MTUS2: variants seen among roughly 807,000 people sequenced by gnomAD.
MTUS2 encodes the protein microtubule-associated tumor suppressor candidate 2.
In MTUS2, 40 loss-of-function variants were observed where a neutral mutation model predicts 114.1. The observed-to-expected ratio is 0.35, with a 90% CI of 0.27 to 0.46. MTUS2 has a LOEUF of 0.46. Ranked by LOEUF, MTUS2 falls within the 20% of genes least tolerant of loss-of-function variation. The pLI, the probability that MTUS2 is intolerant of heterozygous loss-of-function variation, is 1.00. For missense variants in MTUS2, 1,679 were observed against 1,705.4 expected, an observed-to-expected ratio of 0.98 and a Z score of 0.27; for synonymous variants, 688 against 672.0, an observed-to-expected ratio of 1.02 and a Z score of -0.37.
chr13:29,154,703 A>G (rs917725463), intron 5 of MTUS2, among the ~76,000 whole-genome samples: 3 of 152,204 alleles, frequency 2.0e-5, no homozygotes, highest in Admixed American at 6.5e-5. Context: ...TTGCTTACAT[A>G]ATTGTTTGAC....
intron 5 of MTUS2, among the ~76,000 whole-genome samples, chr13:29,244,493 CTGAA>C (rs1566087714): frequency 6.6e-6 from 1 of 151,994 alleles, no homozygotes; most frequent in African/African-American, 2.4e-5. Context: ...GGCATGGAGA[CTGAA>C]TGGGCCACTG....
At chr13:29,463,819 C>T (rs1434152932) in intron 9 of MTUS2, among the ~76,000 whole-genome samples, 3 of 152,072 alleles carry the variant, frequency 2.0e-5, no homozygotes, top group African/African-American at 4.8e-5. Flanking sequence ...GCCAACATGG[C>T]GAAACCCCAT....
intron 5 of MTUS2, among the ~76,000 whole-genome samples, chr13:29,235,644 A>G (rs1896508002): frequency 6.6e-6 from 1 of 152,130 alleles, no homozygotes; most frequent in Admixed American, 6.5e-5. Context: ...CTTTTTTTTC[A>G]ATCAAGAATA....
intron 2 of MTUS2, among the ~76,000 whole-genome samples, chr13:28,867,819 C>A (rs552927564): frequency 6.6e-6 from 1 of 152,242 alleles, no homozygotes; most frequent in South Asian, 2.1e-4. Context: ...AGCTCCTGTT[C>A]TTTTTTCTGA....
At chr13:29,495,378 A>C (rs1882483168) in intron 12 of MTUS2, among the ~76,000 whole-genome samples, 1 of 149,596 alleles carries the variant, frequency 6.7e-6, no homozygotes, top group South Asian at 2.1e-4. Context: ...AAAAAAAAAA[A>C]AAGGAAGTAA....
chr13:29,478,560 G>A (rs1880881697), intron 9 of MTUS2, among the ~76,000 whole-genome samples: 1 of 152,180 alleles, frequency 6.6e-6, no homozygotes, highest in Non-Finnish European at 1.5e-5. Flanking sequence ...CCTTTTTTGA[G>A]GAGGAGTCTT....
chr13:29,170,838 G>A (rs1018675007), intron 5 of MTUS2, among the ~76,000 whole-genome samples: 1 of 152,190 alleles, frequency 6.6e-6, no homozygotes, highest in Non-Finnish European at 1.5e-5. Flanking sequence ...TTGTTATTCA[G>A]TAATGTTGTT....
At chr13:28,904,477 G>A (rs1219700417) in intron 2 of MTUS2, among the ~76,000 whole-genome samples, 1 of 152,148 alleles carries the variant, frequency 6.6e-6, no homozygotes, top group Non-Finnish European at 1.5e-5. Flanking sequence ...CATATGGCTA[G>A]CCAGTTTTCC....
intron 7 of MTUS2, among the ~76,000 whole-genome samples, chr13:29,341,931 G>C (rs1170733142): frequency 2.6e-5 from 4 of 151,664 alleles, no homozygotes; most frequent in Non-Finnish European, 5.9e-5. Context: ...TTATGTTTTT[G>C]TTTGTGTTGT....
intron 4 of MTUS2, among the ~76,000 whole-genome samples, chr13:29,064,172 C>T (rs969588749): frequency 3.9e-5 from 6 of 152,148 alleles, no homozygotes; most frequent in South Asian, 4.1e-4. Flanking sequence ...AGCATGGGAA[C>T]TGGGCCTGGA....
intron 5 of MTUS2, among the ~76,000 whole-genome samples, chr13:29,154,389 A>G (rs923723287): frequency 8.5e-5 from 13 of 152,210 alleles, no homozygotes; most frequent in African/African-American, 2.9e-4. Context: ...GCAGAAGTTC[A>G]TTGTCTTCCT....
At chr13:29,305,360 GA>G (rs143560828) in intron 6 of MTUS2, among the ~76,000 whole-genome samples, 123,502 of 151,700 alleles carry the variant, frequency 0.81, 50,722 homozygotes, top group Admixed American at 0.88. Flanking sequence ...CTAGTTTTGT[GA>G]AAAAAAAAGT....
At chr13:29,502,783 G>A (rs549343902) in intron 15 of MTUS2, among the ~76,000 whole-genome samples, 12 of 152,292 alleles carry the variant, frequency 7.9e-5, no homozygotes, top group South Asian at 6.2e-4. Flanking sequence ...GGGATGATGG[G>A]TATTGGCCAG....
intron 5 of MTUS2, among the ~76,000 whole-genome samples, chr13:29,198,834 G>T (rs1483094389): frequency 6.6e-6 from 1 of 152,178 alleles, no homozygotes; most frequent in African/African-American, 2.4e-5. Flanking sequence ...TAGCAATTGT[G>T]AATGGGAGTT....
intron 5 of MTUS2, among the ~76,000 whole-genome samples, chr13:29,154,912 G>T (rs1892796779): frequency 1.3e-5 from 2 of 152,152 alleles, no homozygotes; most frequent in Admixed American, 1.3e-4. Flanking sequence ...GTAGCTATTG[G>T]CACACAGACA....
At chr13:29,145,905 C>G (rs963032078) in intron 5 of MTUS2, among the ~76,000 whole-genome samples, 1 of 152,134 alleles carries the variant, frequency 6.6e-6, no homozygotes, top group Admixed American at 6.5e-5. Context: ...TAAAACACAC[C>G]TTCAAATGGT....
intron 8 of MTUS2, among the ~76,000 whole-genome samples, chr13:29,371,525 A>G (rs985619676): frequency 2.0e-5 from 3 of 152,122 alleles, no homozygotes; most frequent in African/African-American, 7.2e-5. Context: ...GCCTCTTCAC[A>G]TTAACCTTTT....
Position 29,359,411 on chromosome 13 carries a change from C to T in MTUS2, c.3055C>T (p.Leu1019=). Residue 1019 remains leucine (L), a synonymous_variant, in exon 8 of 16, where the codon CTG becomes TTG. Coordinates refer to ENST00000612955, the MANE Select transcript of MTUS2 (RefSeq NM_001033602.4). ...ACAGCTGGGCGTTGCGCAAGGGGAG[C>T]TGAAGAGGGCCATCTGCGGCTTTGA... ...TRQLGVAQGE[L]KRAICGFDAL... 1 of 1,613,604 alleles carries T rather than the reference C, an allele frequency of 6.2e-7. No individual in the cohort carries two copies. The highest frequency in any genetic ancestry group is 1.1e-5 in the South Asian group (1 of 90,980).
In MTUS2 at chr13:29,497,312, G is replaced by A. The variant is rs763743254; in HGVS notation, c.3654G>A (p.Arg1218=). The A allele has an allele frequency of 6.8e-6, 11 of 1,611,846 alleles. No individual in the cohort carries two copies. The highest frequency in any genetic ancestry group is 1.3e-5 in the African/African-American group (1 of 74,858). Residue 1218 remains arginine, a synonymous_variant, in exon 13 of 16, where the codon AGG becomes AGA. Coordinates refer to ENST00000612955, the MANE Select transcript of MTUS2 (RefSeq NM_001033602.4). ...CCCGCCGCTTCGAAGAGGCCTTGAG[G>A]AAGAACACAGAGGAGCAGCTGGAGG... is the stretch of plus-strand genomic sequence containing the variant. ...DRARRFEEAL[R]KNTEEQLEIA...
Sources: gnomAD v4.1 joint callset for allele counts (sites outside exome capture counted in the v4.1 genomes callset) on GRCh38, gnomAD v4.1.1 for gene constraint, MANE v1.5 for transcripts, NCBI Gene and HGNC (gene_info 2026-07-23, HGNC 2026-07-21) for gene names.